The following GTPBP1 variants were observed in gnomAD, a reference collection of about 807,000 sequenced individuals.
The protein encoded by GTPBP1 is GTP binding protein 1, also known as GTP-binding protein 1.
In GTPBP1, 23 loss-of-function variants were observed where a neutral mutation model predicts 62.0. The observed-to-expected ratio is 0.37, with a 90% CI of 0.27 to 0.53. GTPBP1 has a LOEUF of 0.53. GTPBP1 is among the 20% of genes least tolerant of loss of function. The probability of loss-of-function intolerance (pLI) is 0.89; values close to 1 mark genes in which losing one functional copy is unlikely to be tolerated. For missense variants in GTPBP1, 640 were observed against 917.3 expected (o/e 0.70, Z 3.90); for synonymous variants, 344 against 364.4 (o/e 0.94, Z 0.64).
chr22:38,725,840 C>T, intron 6 of GTPBP1, 166 bp from the exon 7 acceptor site: 1 of 668,932 alleles, frequency 1.5e-6, no homozygotes, highest in Non-Finnish European at 2.6e-6. Flanking sequence ...CTTGCTAGGT[C>T]AGGGCAAAGA....
chr22:38,724,158 G>T, intron 5 of GTPBP1, 139 bp from the exon 6 acceptor site: 1 of 609,128 alleles, frequency 1.6e-6, no homozygotes. Context: ...GCTTCTCCAG[G>T]CATTGTGGCA....
intron 1 of GTPBP1, 117 bp downstream of exon 1, chr22:38,706,264 A>G: frequency 6.3e-6 from 4 of 632,556 alleles, no homozygotes; most frequent in Non-Finnish European, 8.9e-6. Context: ...AACGGGAAGA[A>G]GGGGCCGAGC....
downstream of GTPBP1, chr22:38,734,329 G>A (rs1194504923): frequency 2.2e-6 from 1 of 462,106 alleles, no homozygotes; most frequent in Non-Finnish European, 4.5e-6. Context: ...CCCAGTCACA[G>A]GTCCAAGGGG....
downstream of GTPBP1, chr22:38,738,459 A>G: frequency 7.6e-7 from 1 of 1,321,244 alleles, no homozygotes; most frequent in South Asian, 1.3e-5. This position sits in a 1 kb window ranked among gnomAD's most constrained non-coding sequence, Gnocchi z 6.6. Context: ...CTCCCACCCT[A>G]GCTCCTCCTC....
At chr22:38,710,000 T>TC (rs770092318) in intron 2 of GTPBP1, among the ~76,000 whole-genome samples, 5 of 152,258 alleles carry the variant, frequency 3.3e-5, no homozygotes, top group Non-Finnish European at 2.9e-5. Context: ...CTGCTTACCT[T>TC]CATCTTCATT....
chr22:38,718,580 G>A (rs548412242), intron 4 of GTPBP1, among the ~76,000 whole-genome samples: 4 of 152,324 alleles, frequency 2.6e-5, no homozygotes, highest in East Asian at 3.9e-4. Context: ...GGAAGACGTC[G>A]GGAAGACTGT....
downstream of GTPBP1, chr22:38,739,071 GTGGA>G: frequency 7.4e-7 from 1 of 1,360,500 alleles, no homozygotes; most frequent in Non-Finnish European, 1.0e-6. The surrounding 1 kb of genome is among the most constrained non-coding windows in gnomAD (Gnocchi z 6.7). Context: ...CTCGCTGAAG[GTGGA>G]CGGCAGATGC....
intron 5 of GTPBP1, 112 bp from the exon 6 acceptor site, chr22:38,724,185 C>CACAGATAGA (rs2092715327): frequency 2.9e-6 from 2 of 687,064 alleles, no homozygotes; most frequent in African/African-American, 3.5e-5. Context: ...ACTGGTCCAT[C>CACAGATAGA]TATCTGTCTG....
chr22:38,737,726 C>G (rs1272769939), downstream of GTPBP1: 1 of 368,728 alleles, frequency 2.7e-6, no homozygotes, highest in African/African-American at 2.1e-5. The surrounding 1 kb of genome is among the most constrained non-coding windows in gnomAD (Gnocchi z 4.1). Flanking sequence ...GAACCAGACT[C>G]TCCTGGGGTG....
chr22:38,708,996 T>A, intron 2 of GTPBP1, 40 bp downstream of exon 2: 1 of 1,273,830 alleles, frequency 7.9e-7, no homozygotes, highest in East Asian at 2.3e-5. Flanking sequence ...TTAAAAATTA[T>A]TGGGCCGGGT....
chr22:38,742,626 A>C (rs1396800750), downstream of GTPBP1: 16 of 1,501,866 alleles, frequency 1.1e-5, no homozygotes, highest in Non-Finnish European at 1.3e-5. Flanking sequence ...GACCACCCCG[A>C]CACAGCCAAC....
At chr22:38,725,697 A>G (rs775153474) in intron 6 of GTPBP1, 1 of 332,670 alleles carries the variant, frequency 3.0e-6, no homozygotes, top group Non-Finnish European at 5.6e-6. Context: ...TTAAGCAAGC[A>G]TGCGTGTGTT....
downstream of GTPBP1, chr22:38,742,623 C>G: frequency 6.6e-7 from 1 of 1,525,280 alleles, no homozygotes; most frequent in East Asian, 2.3e-5. Context: ...AAAGACCACC[C>G]CGACACAGCC....
chr22:38,727,034 C>T lies in GTPBP1; in HGVS notation c.1402-179C>T, dbSNP rs1288201013. ...CCCCAGTAGTAGTGTTGAGTCTTCCCATGGAGCACTGAGGGTGCTCGTGCT... is the reference window on the plus strand; with the variant it reads ...CCCCAGTAGTAGTGTTGAGTCTTCCTATGGAGCACTGAGGGTGCTCGTGCT... On this transcript the variant is annotated intron_variant, in intron 8 of 11. Transcript: ENST00000216044. The surrounding 1 kb of genome is among the most constrained non-coding windows in gnomAD (Gnocchi z 6.5). Among the ~76,000 whole-genome samples the T allele has an allele frequency of 2.6e-5, 4 of 152,110 alleles. No individual in the cohort carries two copies. In the East Asian group the frequency reaches 7.7e-4, roughly 29 times the overall value.
At position 38,726,278 on chromosome 22, in the gene GTPBP1, G is replaced by A. The variant is rs576393984; in HGVS notation, c.1239G>A (p.Ser413=). 1.8e-5 allele frequency: 29 copies of A among 1,613,984 alleles called. No individual in the cohort carries two copies. The highest frequency in any genetic ancestry group is 6.6e-5 in the South Asian group (6 of 91,048). Residue 413 remains serine, a synonymous_variant, in exon 8 of 12, where the codon TCG becomes TCA. Transcript: ENST00000216044. This position sits in a 1 kb window ranked among gnomAD's most constrained non-coding sequence, Gnocchi z 4.1. The part of the protein sequence containing the change: ...YSVPGVGTVV[S]GTTLRGLIKL... ...GGCAGGGTGTGGGGACAGTGGTTTC[G>A]GGGACAACACTGAGAGGCCTGATCA...
In GTPBP1 at chr22:38,730,522, C is replaced by T; in HGVS notation, c.1918-90C>T. ...CCACGCAGCCTGCTCACGCATCTTCCGTCCCTGTCTCCCCGCTGCTCAGCA... is the reference window on the plus strand; with the variant it reads ...CCACGCAGCCTGCTCACGCATCTTCTGTCCCTGTCTCCCCGCTGCTCAGCA... On this transcript the variant is annotated intron_variant, in intron 11 of 11. Coordinates refer to ENST00000216044, the MANE Select transcript of GTPBP1 (RefSeq NM_004286.5). The surrounding 1 kb of genome is among the most constrained non-coding windows in gnomAD (Gnocchi z 5.6). The T allele has an allele frequency of 1.1e-5, 10 of 893,108 alleles. No homozygotes were observed. Among genetic ancestry groups the T allele is most frequent in the African/African-American group, 3.2e-5 (2 of 61,864 alleles). 55.3% of individuals were successfully genotyped at this position (893,108 alleles called of 1,614,324 possible). A position where few individuals can be genotyped will look rare whatever the true frequency, so the allele number is the denominator to read the frequency against.
chr22:38,729,573 G>C lies in GTPBP1; in HGVS notation c.1828G>C (p.Gly610Arg). ...ACGAGACGAGGGGGGCCCGTCTGGT[G>C]GGCCAGCAGTAGGAGCACCCCCACC... ...TKRDEGGPSG[G>R]PAVGAPPPGD... The change falls in exon 11 of 12, where the codon GGG (glycine) becomes CGG (arginine). Residue 610 changes from glycine (G) to arginine (R), a missense_variant. Physicochemically the swap from Gly to Arg is moderately radical, Grantham distance 125 (BLOSUM62 -2). Transcript: ENST00000216044. 3 of 1,594,788 alleles carry C rather than the reference G, an allele frequency of 1.9e-6. No homozygotes were observed. The highest frequency in any genetic ancestry group is 2.6e-6 in the Non-Finnish European group (3 of 1,171,368).
chr22:38,723,565 A>G (rs1272755834), intron 5 of GTPBP1: 2 of 592,868 alleles, frequency 3.4e-6, no homozygotes, highest in African/African-American at 1.9e-5. Flanking sequence ...CTGAATTTCC[A>G]TCAGCCCAGA....
At chr22:38,729,956 G>T (rs1381137884) in intron 11 of GTPBP1, among the ~76,000 whole-genome samples, 5 of 152,238 alleles carry the variant, frequency 3.3e-5, no homozygotes, top group Admixed American at 6.5e-5. Context: ...TTCATAGTAA[G>T]ATTAAGTATT....
Sources: gnomAD v4.1 joint callset for allele counts (sites outside exome capture counted in the v4.1 genomes callset) on GRCh38, gnomAD v4.1.1 for gene constraint, Gnocchi (gnomAD v3.1) non-coding constraint, MANE v1.5 for transcripts, NCBI Gene and HGNC (gene_info 2026-07-23, HGNC 2026-07-21) for gene names.